The following SEM1 variants were observed in gnomAD, a reference collection of about 807,000 sequenced individuals.
SEM1 encodes SEM1 26S proteasome subunit, also known as 26S proteasome complex subunit SEM1.
Under a neutral mutation model 12.7 loss-of-function variants are expected in SEM1, and 3 were observed. The observed-to-expected ratio is 0.24, with a 90% confidence interval of 0.11 to 0.61. The LOEUF (loss-of-function observed/expected upper bound fraction) is 0.61, where lower values mean the gene tolerates loss of function less well. Ranked by LOEUF, SEM1 falls within the 20% of genes least tolerant of loss-of-function variation. The pLI is 0.88. For synonymous variants in SEM1, 30 were observed against 27.8 expected, an observed-to-expected ratio of 1.08 and a Z score of -0.25; for missense variants, 59 against 81.3, an observed-to-expected ratio of 0.73 and a Z score of 1.06.
intron 2 of SEM1, among the ~76,000 whole-genome samples, chr7:96,581,606 T>C (rs1806410910): frequency 6.6e-6 from 1 of 152,236 alleles, no homozygotes; most frequent in South Asian, 2.1e-4. Context: ...CCCATGAGCA[T>C]GGAATGTTCT....
exon 4 of SEM1, chr7:96,483,948 A>G (rs1487166527): frequency 1.3e-6 from 2 of 1,535,380 alleles, no homozygotes; most frequent in Non-Finnish European, 1.7e-6. Context: ...TGCACCAAGG[A>G]TGGTGGGGGG....
In SEM1 at chr7:96,592,043, G is replaced by C. The variant is rs539656881; in HGVS notation, c.171-85345C>G. Among the ~76,000 whole-genome samples the C allele has an allele frequency of 7.2e-5, 11 of 152,112 alleles. No homozygotes were observed. In the East Asian group the frequency reaches 2.1e-3, roughly 29 times the overall value. ...GGAAATAAAGAGGTGCTGACAAGAG[G>C]GGATGCCAGTAGGATTAAGCGACTT... On this transcript the variant is annotated intron_variant and NMD_transcript_variant, in intron 2 of 3. Coordinates refer to the SEM1 transcript ENST00000466986.
chr7:96,506,957 G>C (rs1803772130), intron 2 of SEM1, among the ~76,000 whole-genome samples: 1 of 152,046 alleles, frequency 6.6e-6, no homozygotes, highest in Non-Finnish European at 1.5e-5. Context: ...ACTTTGGACT[G>C]CTGGTTACCT....
At chr7:96,540,757 T>C (rs1264025548) in intron 2 of SEM1, among the ~76,000 whole-genome samples, 3 of 151,740 alleles carry the variant, frequency 2.0e-5, no homozygotes, top group Non-Finnish European at 4.4e-5. Context: ...CCCCCAGTAG[T>C]TTCCAGTGTC....
At chr7:96,537,838 A>T (rs1294369954) in intron 2 of SEM1, among the ~76,000 whole-genome samples, 1 of 151,486 alleles carries the variant, frequency 6.6e-6, no homozygotes. Context: ...AATTTTGGAA[A>T]ATTTGCAGCC....
chr7:96,607,701 A>G (rs370219950), intron 2 of SEM1, among the ~76,000 whole-genome samples: 2 of 152,138 alleles, frequency 1.3e-5, no homozygotes, highest in East Asian at 1.9e-4. Context: ...TCATGGAGAT[A>G]CTCTCTTCCT....
intron 2 of SEM1, among the ~76,000 whole-genome samples, chr7:96,540,626 C>T (rs903356504): frequency 1.3e-5 from 2 of 151,714 alleles, no homozygotes; most frequent in Admixed American, 1.3e-4. Flanking sequence ...ATAATTTCAA[C>T]TTCTATTTCA....
intron 2 of SEM1, among the ~76,000 whole-genome samples, chr7:96,571,472 A>G (rs2115983742): frequency 6.6e-6 from 1 of 151,704 alleles, no homozygotes; most frequent in East Asian, 1.9e-4. Flanking sequence ...TCCTTTCCCC[A>G]TTGTTTGTTT....
At chr7:96,535,254 T>C (rs1194808402) in intron 2 of SEM1, among the ~76,000 whole-genome samples, 5 of 151,952 alleles carry the variant, frequency 3.3e-5, no homozygotes, top group Non-Finnish European at 7.4e-5. Context: ...TGTTTTACAA[T>C]GGTCTAGTGT....
At chr7:96,568,594 T>G (rs1412729882) in intron 2 of SEM1, among the ~76,000 whole-genome samples, 1 of 151,818 alleles carries the variant, frequency 6.6e-6, no homozygotes, top group Non-Finnish European at 1.5e-5. Context: ...CTTTGAAATT[T>G]GATTTTTCCT....
At chr7:96,697,735 G>A (rs1563118073) in intron 1 of SEM1, among the ~76,000 whole-genome samples, 1 of 152,126 alleles carries the variant, frequency 6.6e-6, no homozygotes, top group Non-Finnish European at 1.5e-5. Flanking sequence ...TCTTAGGTGT[G>A]TGTAAAAGAG....
chr7:96,520,238 A>G (rs76411559), intron 2 of SEM1, among the ~76,000 whole-genome samples: 2,515 of 152,280 alleles, frequency 0.017, 79 homozygotes, highest in African/African-American at 0.057. Context: ...GAAACTGTGT[A>G]GAATGACAAA....
At chr7:96,658,859 G>C (rs1809272456) in intron 2 of SEM1, among the ~76,000 whole-genome samples, 2 of 152,140 alleles carry the variant, frequency 1.3e-5, no homozygotes, top group South Asian at 4.1e-4. Flanking sequence ...GGTGCAACAG[G>C]AAACTAAAAC....
intron 1 of SEM1, among the ~76,000 whole-genome samples, chr7:96,487,430 T>C (rs1203818499): frequency 6.7e-6 from 1 of 150,042 alleles, no homozygotes; most frequent in African/African-American, 2.5e-5. Context: ...AAATATTGCA[T>C]TAAAATATTA....
intron 1 of SEM1, among the ~76,000 whole-genome samples, chr7:96,697,687 T>C (rs1279389546): frequency 6.6e-6 from 1 of 152,044 alleles, no homozygotes; most frequent in Non-Finnish European, 1.5e-5. Context: ...ATACAGAACA[T>C]TACATGAAAA....
chr7:96,540,188 T>C (rs1405540735), intron 2 of SEM1, among the ~76,000 whole-genome samples: 1 of 151,574 alleles, frequency 6.6e-6, no homozygotes, highest in Non-Finnish European at 1.5e-5. Context: ...AACAACCTAA[T>C]ATTTATTTTT....
intron 2 of SEM1, among the ~76,000 whole-genome samples, chr7:96,521,866 T>C (rs1326607193): frequency 6.6e-6 from 1 of 152,090 alleles, no homozygotes; most frequent in African/African-American, 2.4e-5. Context: ...ATGATCCAGG[T>C]TATGCAAATG....
At chr7:96,705,188 G>A (rs1384599319) in intron 1 of SEM1, among the ~76,000 whole-genome samples, 1 of 152,160 alleles carries the variant, frequency 6.6e-6, no homozygotes, top group Non-Finnish European at 1.5e-5. Flanking sequence ...CCAGGGGCCA[G>A]AGGGTGGGAA....
chr7:96,516,429 AC>A (rs1238483284), intron 2 of SEM1, among the ~76,000 whole-genome samples: 1 of 152,218 alleles, frequency 6.6e-6, no homozygotes, highest in African/African-American at 2.4e-5. Flanking sequence ...AAAGACCTAA[AC>A]AGACAACTCA....
Sources: gnomAD v4.1 joint callset for allele counts (sites outside exome capture counted in the v4.1 genomes callset) on GRCh38, gnomAD v4.1.1 for gene constraint, MANE v1.5 for transcripts, NCBI Gene and HGNC (gene_info 2026-07-23, HGNC 2026-07-21) for gene names.